TTI1: variants seen among roughly 807,000 people sequenced by gnomAD.
TTI1 encodes TELO2-interacting protein 1 homolog.
Under a neutral mutation model 85.4 loss-of-function variants are expected in TTI1, and 52 were observed. The observed-to-expected ratio is 0.61, with a 90% CI of 0.49 to 0.77. The LOEUF is 0.77. Among genes scored for constraint, TTI1 ranks in the 30% least tolerant of loss-of-function variants. TTI1 has a pLI of 0.00. For synonymous variants in TTI1, 512 were observed against 503.9 expected (o/e 1.02, Z -0.22); for missense variants, 1,173 against 1,296.0 (o/e 0.91, Z 1.46).
At chr20:38,016,143 T>C (rs973407976) in intron 1 of TTI1, among the ~76,000 whole-genome samples, 3 of 152,252 alleles carry the variant, frequency 2.0e-5, no homozygotes, top group Non-Finnish European at 4.4e-5. Context: ...TAAAGGATTG[T>C]GGCCCCCAAA....
chr20:37,996,913 C>A lies in TTI1; in HGVS notation c.2834G>T (p.Arg945Leu), dbSNP rs1200863723. ...TLGSKCGDFL[R>L]SRFCKDVLPK... The stretch of plus-strand genomic sequence containing the variant: ...CAGGACATCTTTGCAGAACCGGCTG[C>A]GAAGAAAGTCACCACACTTGCTTCC... Residue 945 changes from arginine to leucine, a missense_variant, in exon 6 of 8, where the codon CGC becomes CTC. Arg to Leu is a moderately radical substitution (Grantham distance 102). Transcript: ENST00000373447. The A allele has an allele frequency of 3.1e-6, 5 of 1,614,032 alleles. No individual in the cohort carries two copies. Among genetic ancestry groups the A allele is most frequent in the Non-Finnish European group, 4.2e-6 (5 of 1,180,020 alleles).
At chr20:37,996,347 A>T (rs1404838054) in intron 7 of TTI1, 28 bp downstream of exon 7, 7 of 1,612,268 alleles carry the variant, frequency 4.3e-6, no homozygotes, top group Non-Finnish European at 5.1e-6. Flanking sequence ...ACAAACGTAA[A>T]GGGATGCGGG....
At chr20:37,984,126 G>A (rs181304599) in intron 7 of TTI1, among the ~76,000 whole-genome samples, 23 of 152,272 alleles carry the variant, frequency 1.5e-4, no homozygotes, top group Middle Eastern at 3.4e-3. Flanking sequence ...TGCTGAAGTC[G>A]GCAGTTGGAC....
chr20:38,019,105 G>A (rs2073725199), intron 1 of TTI1: 1 of 151,344 alleles, frequency 6.6e-6, no homozygotes, highest in Non-Finnish European at 1.5e-5. Context: ...AGCTGTGATT[G>A]TGCCACTGTA....
At chr20:38,009,587 C>T (rs1441404592) in intron 2 of TTI1, among the ~76,000 whole-genome samples, 3 of 151,934 alleles carry the variant, frequency 2.0e-5, no homozygotes, top group African/African-American at 7.3e-5. Flanking sequence ...CTCACTGCAG[C>T]CCTGACCTCC....
chr20:38,020,329 T>A lies in TTI1; in HGVS notation c.-41-6472A>T, dbSNP rs865989673. ...TCATATGAAAAAAAAAAAAAATATA[T>A]ATATATATATATATATATATATATG... On this transcript the variant is annotated intron_variant, in intron 1 of 7. Coordinates refer to ENST00000373447, the MANE Select transcript of TTI1 (RefSeq NM_001303457.2). Among the ~76,000 whole-genome samples, 414 of 77,674 alleles carry A rather than the reference T, an allele frequency of 5.3e-3. 2 individuals carry two copies. Among genetic ancestry groups the A allele is most frequent in the African/African-American group, 0.012 (198 of 16,260 alleles). The allele number at this position is 77,674 out of a possible 152,430, so 51.0% of individuals were successfully genotyped here.
intron 7 of TTI1, among the ~76,000 whole-genome samples, chr20:37,993,112 CTTT>C (rs756506163): frequency 4.0e-5 from 5 of 125,310 alleles, no homozygotes; most frequent in Non-Finnish European, 8.6e-5. Context: ...GGGGAGCTGG[CTTT>C]TTTTTTTTTT....
Position 38,006,398 on chromosome 20 carries a change from C to A in TTI1, c.2303-1G>T, listed in dbSNP as rs1308410215. On this transcript the variant is annotated splice_acceptor_variant, in intron 2 of 7. Transcript: ENST00000373447. LOFTEE classifies it high-confidence loss of function. Reference sequence around the variant, plus strand: ...TTACCTGTGTCTGGGAACCACTGGGCTGTAAATAAAGTGTTACAATGATCA... The same window carrying A: ...TTACCTGTGTCTGGGAACCACTGGGATGTAAATAAAGTGTTACAATGATCA... 1 of 1,614,124 alleles carries A rather than the reference C, an allele frequency of 6.2e-7. No homozygotes were observed. The highest frequency in any genetic ancestry group is 1.1e-5 in the South Asian group (1 of 91,072).
chr20:38,001,050 A>G (rs919580427), intron 4 of TTI1, among the ~76,000 whole-genome samples: 1 of 152,206 alleles, frequency 6.6e-6, no homozygotes. Context: ...TTACCTTGAC[A>G]GCCTTTCTCC....
chr20:37,992,042 C>T lies in TTI1; in HGVS notation c.3086+4333G>A, dbSNP rs550960875. Among the ~76,000 whole-genome samples, 153 of 152,276 alleles carry T rather than the reference C, an allele frequency of 1.0e-3. 1 individual carries two copies. The highest frequency in any genetic ancestry group is 3.5e-3 in the African/African-American group (145 of 41,558). On this transcript the variant is annotated intron_variant, in intron 7 of 7. Transcript: ENST00000373447. ...CTACTTTTTCTCTCACACACAATGG[C>T]GAGGCAGAGGGAGCTGGAATGGCAA...
intron 4 of TTI1, chr20:38,000,424 T>A (rs560899219): frequency 3.3e-5 from 2 of 60,106 alleles, no homozygotes; most frequent in South Asian, 5.2e-4. Flanking sequence ...ACTGCCTGCA[T>A]CAGTGTCACA....
Position 38,011,534 on chromosome 20 carries a change from A to C in TTI1, c.2283T>G (p.His761Gln), listed in dbSNP as rs780069411. 1 of 1,614,162 alleles carries C rather than the reference A, an allele frequency of 6.2e-7. No individual in the cohort carries two copies. The highest frequency in any genetic ancestry group is 8.5e-7 in the Non-Finnish European group (1 of 1,180,006). The change falls in exon 2 of 8, where the codon CAT becomes CAG. Residue 761 changes from histidine to glutamine, a missense_variant. Transcript: ENST00000373447. ...KRAASFVSVL[H>Q]ALMAALAQWF... ...ATGTACCTAATGCTGCCATCAGAGC[A>C]TGCAGAACGCTGACAAAGGAAGCAG...
In TTI1 at chr20:38,013,836, C is replaced by T; in HGVS notation, c.-20G>A. 6.3e-7 allele frequency: 1 copy of T among 1,593,512 alleles called. No homozygotes were observed. On this transcript the variant is annotated 5_prime_UTR_variant, in exon 2 of 8. The change abolishes an upstream ATG in the 5' untranslated region. Coordinates refer to ENST00000373447, the MANE Select transcript of TTI1 (RefSeq NM_001303457.2). The stretch of plus-strand genomic sequence containing the variant: ...TGCCATTGTGCAGCAGCCTTCCCCT[C>T]ATTGAGGAAACATCCTGCAGGCTGG...
chr20:38,018,838 A>G (rs1482321837), intron 1 of TTI1, among the ~76,000 whole-genome samples: 1 of 151,970 alleles, frequency 6.6e-6, no homozygotes, highest in African/African-American at 2.4e-5. Flanking sequence ...TACAGCCTAT[A>G]AAAACAACAT....
chr20:38,016,402 A>AGGG (rs2073682944), intron 1 of TTI1, among the ~76,000 whole-genome samples: 1 of 152,216 alleles, frequency 6.6e-6, no homozygotes, highest in African/African-American at 2.4e-5. Context: ...TCACTGTAGG[A>AGGG]GTTTCAAGAA....
intron 6 of TTI1, 78 bp downstream of exon 6, chr20:37,996,671 G>T: frequency 6.6e-7 from 1 of 1,518,396 alleles, no homozygotes; most frequent in South Asian, 1.2e-5. Context: ...AGGGGGGCAC[G>T]ACTGAGCAGA....
Position 38,012,307 on chromosome 20 carries a change from G to T in TTI1, c.1510C>A (p.Leu504Ile), listed in dbSNP as rs1185306195. ...LLGYYGNLYL[L>I]VDHFMELYHQ... ...TAAAGTTCCATAAAGTGATCCACAA[G>T]CAAATAAAGATTCCCATAATAACCA... Residue 504 changes from leucine to isoleucine, a missense_variant, in exon 2 of 8, where the codon CTT (leucine) becomes ATT (isoleucine). Physicochemically the swap from Leu to Ile is conservative, Grantham distance 5 (BLOSUM62 2). Transcript: ENST00000373447. 6.2e-7 allele frequency: 1 copy of T among 1,614,180 alleles called. No individual in the cohort carries two copies. The highest frequency in any genetic ancestry group is 1.3e-5 in the African/African-American group (1 of 75,046).
At chr20:38,026,053 A>AC (rs2122648100) in intron 1 of TTI1, among the ~76,000 whole-genome samples, 1 of 152,340 alleles carries the variant, frequency 6.6e-6, no homozygotes, top group Non-Finnish European at 1.5e-5. Flanking sequence ...AGCTGAGTGA[A>AC]CCCCAAAGAA....
chr20:37,992,884 G>A (rs1230890532), intron 7 of TTI1, among the ~76,000 whole-genome samples: 1 of 152,184 alleles, frequency 6.6e-6, no homozygotes, highest in African/African-American at 2.4e-5. Flanking sequence ...CATGCCGGGA[G>A]ACATCCTGGA....
Sources: allele counts gnomAD v4.1 joint callset (sites outside exome capture counted in the v4.1 genomes callset), GRCh38; gene constraint gnomAD v4.1.1; transcripts MANE v1.5; gene names NCBI Gene and HGNC (gene_info 2026-07-23, HGNC 2026-07-21).